Variants in SETD1B observed in about 807,000 individuals in gnomAD.
SETD1B encodes histone-lysine N-methyltransferase SETD1B.
In SETD1B, 7 loss-of-function variants were observed where a neutral mutation model predicts 148.0. That is an observed-to-expected ratio of 0.05 (90% CI 0.03 to 0.09). The LOEUF (loss-of-function observed/expected upper bound fraction) is 0.09. SETD1B is among the 10% of genes least tolerant of loss of function. The pLI is 1.00. For synonymous variants in SETD1B, 1,361 were observed against 1,186.5 expected, an observed-to-expected ratio of 1.15 and a Z score of -3.02; for missense variants, 2,155 against 2,729.9, an observed-to-expected ratio of 0.79 and a Z score of 4.69.
intron 6 of SETD1B, among the ~76,000 whole-genome samples, chr12:121,812,241 C>T (rs1876069598): frequency 6.6e-6 from 1 of 152,036 alleles, no homozygotes; most frequent in African/African-American, 2.4e-5. Flanking sequence ...GGGGGAGCGG[C>T]GCAGGCGGGG....
Position 121,814,435 on chromosome 12 carries a change from CATCCTG to C in SETD1B, c.2221_2226del (p.Ile741_Leu742del). The C allele has an allele frequency of 6.9e-7, 1 of 1,439,196 alleles. No individual in the cohort carries two copies. Among genetic ancestry groups the C allele is most frequent in the Non-Finnish European group, 9.2e-7 (1 of 1,092,716 alleles). 89.2% of individuals were successfully genotyped at this position (1,439,196 alleles called of 1,614,324 possible). ...CGCCGCCTGGAGTCCCGCCCCCACC[CATCCTG>C]CCACCACTGCCCCCCTTTCCGCCGG... On this transcript the variant is annotated inframe_deletion, in exon 7 of 17. Coordinates refer to ENST00000604567, the MANE Select transcript of SETD1B (RefSeq NM_001353345.2).
chr12:121,824,504 G>A (rs373005085), intron 12 of SETD1B, among the ~76,000 whole-genome samples: 8 of 152,088 alleles, frequency 5.3e-5, no homozygotes, highest in African/African-American at 1.2e-4. Context: ...AAAATTAGCC[G>A]GGTGTGGTAG....
At position 121,819,576 on chromosome 12, in the gene SETD1B, C is replaced by G. The variant is rs552984937; in HGVS notation, c.3591C>G (p.Ala1197=). The change falls in exon 11 of 17, where the codon GCC becomes GCG. Residue 1197 remains alanine, a synonymous_variant. Coordinates refer to ENST00000604567, the MANE Select transcript of SETD1B (RefSeq NM_001353345.2). ...AAGAGGAGGAGGAGGAGATGGTGGC[C>G]GAGGAAAGCATGGCTTCTGCAGGCC... ...EEEEEEEEMV[A]EESMASAGPE... 1.3e-6 allele frequency: 2 copies of G among 1,552,380 alleles called. No homozygotes were observed. The highest frequency in any genetic ancestry group is 1.7e-6 in the Non-Finnish European group (2 of 1,147,262).
chr12:121,824,979 CAAAAAAAAAA>C (rs780514725), intron 12 of SETD1B, among the ~76,000 whole-genome samples: 2 of 57,182 alleles, frequency 3.5e-5, no homozygotes, highest in South Asian at 1.2e-3. Flanking sequence ...GACCCTGTCT[CAAAAAAAAAA>C]AAAAAAAAAA....
intron 4 of SETD1B, among the ~76,000 whole-genome samples, chr12:121,807,379 A>G (rs1875794426): frequency 6.7e-6 from 1 of 150,336 alleles, no homozygotes. Flanking sequence ...GAACATGGTA[A>G]CCCCTTTCCT....
chr12:121,827,920 C>T lies in SETD1B; in HGVS notation c.5590-13C>T, dbSNP rs1876917131. 4 of 1,552,184 alleles carry T rather than the reference C, an allele frequency of 2.6e-6. No individual in the cohort carries two copies. Among genetic ancestry groups the T allele is most frequent in the Non-Finnish European group, 2.6e-6 (3 of 1,147,158 alleles). On this transcript the variant is annotated splice_polypyrimidine_tract_variant and intron_variant, in intron 15 of 16. Transcript: ENST00000604567. ...GGGCCGGCCCAGCCAGACTGACCCC[C>T]TTTTGTGGCCAGGTGATCGCAGACA...
chr12:121,810,623 C>A lies in SETD1B; in HGVS notation c.1678C>A (p.Pro560Thr). ...SQPGFRGPTP[P>T]SSRPSSTGLE... ...GCCAGGCTTCCGGGGCCCCACGCCC[C>A]CCTCGTCACGCCCCTCCAGCACCGG... Residue 560 changes from proline to threonine, a missense_variant, in exon 6 of 17, where the codon CCC becomes ACC. Transcript: ENST00000604567. The surrounding 1 kb of genome is among the most constrained non-coding windows in gnomAD (Gnocchi z 7.6). 6.5e-7 allele frequency: 1 copy of A among 1,548,538 alleles called. No individual in the cohort carries two copies.
Position 121,805,829 on chromosome 12 carries a change from T to A in SETD1B, c.274-6T>A. ...TCAAACTCCCTTCCCCCTCGGCCCC[T>A]GCCAGATCGATGAGTTCTACGTGGG... On this transcript the variant is annotated splice_polypyrimidine_tract_variant and splice_region_variant and intron_variant, in intron 3 of 16. Coordinates refer to ENST00000604567, the MANE Select transcript of SETD1B (RefSeq NM_001353345.2). This position sits in a 1 kb window ranked among gnomAD's most constrained non-coding sequence, Gnocchi z 4.2. 1 of 1,551,050 alleles carries A rather than the reference T, an allele frequency of 6.4e-7. No individual in the cohort carries two copies. The highest frequency in any genetic ancestry group is 8.7e-7 in the Non-Finnish European group (1 of 1,146,534).
In SETD1B at chr12:121,826,236, A is replaced by G. The variant is rs142587967; in HGVS notation, c.5337+870A>G. 4.7e-4 allele frequency among the ~76,000 whole-genome samples: 71 copies of G among 150,122 alleles called. No individual in the cohort carries two copies. In the East Asian group the frequency reaches 7.9e-3, roughly 17 times the overall value. ...GGAATTTATATTTTAATGGGGACTC[A>G]TAGGAAATAATCAAGTGAAGAAAGA... On this transcript the variant is annotated intron_variant, in intron 13 of 16. Coordinates refer to ENST00000604567, the MANE Select transcript of SETD1B (RefSeq NM_001353345.2).
At chr12:121,821,778 T>C (rs1326323097) in intron 11 of SETD1B, among the ~76,000 whole-genome samples, 1 of 151,354 alleles carries the variant, frequency 6.6e-6, no homozygotes, top group African/African-American at 2.4e-5. Flanking sequence ...AATGTAAAAA[T>C]AGAAAATGAA....
At position 121,817,505 on chromosome 12, in the gene SETD1B, A is replaced by G. The variant is rs1566553777; in HGVS notation, c.3113A>G (p.Lys1038Arg). The change falls in exon 9 of 17, where the codon AAG (lysine) becomes AGG (arginine). Residue 1038 changes from lysine to arginine, a missense_variant. Physicochemically the swap from Lys to Arg is conservative, Grantham distance 26. Transcript: ENST00000604567. This position sits in a 1 kb window ranked among gnomAD's most constrained non-coding sequence, Gnocchi z 8.1. ...ELDSGGEEDEKESLSASSSSS... is the reference protein window; with the variant it reads ...ELDSGGEEDERESLSASSSSS... ...GACAGTGGTGGGGAGGAGGACGAGA[A>G]GGAGTCATTGTCGGCGTCCTCGTCC... is the stretch of plus-strand genomic sequence containing the variant. The G allele has an allele frequency of 1.3e-6, 2 of 1,551,298 alleles. No homozygotes were observed. The highest frequency in any genetic ancestry group is 1.7e-6 in the Non-Finnish European group (2 of 1,146,830).
chr12:121,802,094 C>CAAAGA (rs1875400365), upstream of SETD1B: 1 of 152,034 alleles, frequency 6.6e-6, no homozygotes, highest in Admixed American at 6.6e-5. Context: ...TGTTTTTCTT[C>CAAAGA]AAATAGATCG....
At chr12:121,815,827 T>C (rs575127539) in intron 7 of SETD1B, among the ~76,000 whole-genome samples, 93 of 147,812 alleles carry the variant, frequency 6.3e-4, no homozygotes, top group African/African-American at 2.1e-3. Context: ...TTCTTTCTTT[T>C]TTTTTTTTTT....
chr12:121,797,566 C>T, the SETD1B span: 36 of 456,456 alleles, frequency 7.9e-5, no homozygotes, highest in South Asian at 5.6e-4. Context: ...CACATCCAGA[C>T]CACAGCTGAG....
intron 10 of SETD1B, 96 bp from the exon 11 acceptor site, chr12:121,819,308 T>C (rs1876450580): frequency 6.6e-7 from 1 of 1,520,580 alleles, no homozygotes; most frequent in South Asian, 1.3e-5. Context: ...GTGTTCAGCC[T>C]GGGTGCCACC....
At position 121,817,781 on chromosome 12, in the gene SETD1B, C is replaced by G; in HGVS notation, c.3313-18C>G. Reference sequence around the variant, plus strand: ...AGACCCTTCGGCTCACCTGTCCCCACTCTTCCTTCTCCCCCAGGATGACGA... The same window carrying G: ...AGACCCTTCGGCTCACCTGTCCCCAGTCTTCCTTCTCCCCCAGGATGACGA... On this transcript the variant is annotated intron_variant, in intron 9 of 16. Transcript: ENST00000604567. This position sits in a 1 kb window ranked among gnomAD's most constrained non-coding sequence, Gnocchi z 8.1. 2 of 1,545,760 alleles carry G rather than the reference C, an allele frequency of 1.3e-6. No homozygotes were observed.
At position 121,819,657 on chromosome 12, in the gene SETD1B, A is replaced by C. The variant is rs1343315500; in HGVS notation, c.3672A>C (p.Ala1224=). 1.5e-5 allele frequency: 24 copies of C among 1,551,454 alleles called. No individual in the cohort carries two copies. Among genetic ancestry groups the C allele is most frequent in the Non-Finnish European group, 2.0e-5 (23 of 1,146,980 alleles). ...CGGCTCTGGCCCCGGGGGCACCTGC[A>C]GTGGACTCGTTGGGCATGGAAGAGG... ...EEAALAPGAP[A]VDSLGMEEEV... is the part of the protein sequence containing the mutation. The change falls in exon 11 of 17, where the codon GCA becomes GCC. Residue 1224 remains alanine (A), a synonymous_variant. Coordinates refer to ENST00000604567, the MANE Select transcript of SETD1B (RefSeq NM_001353345.2).
Position 121,810,418 on chromosome 12 carries a change from G to T in SETD1B, c.1473G>T (p.Gly491=). Residue 491 remains glycine (G), a synonymous_variant, in exon 6 of 17, where the codon GGG becomes GGT. Transcript: ENST00000604567. This position sits in a 1 kb window ranked among gnomAD's most constrained non-coding sequence, Gnocchi z 7.6. The part of the protein sequence containing the change: ...GTPTLESSPA[G]PEKPHDSLDS... ...CCACGCTGGAGTCGTCCCCTGCAGG[G>T]CCAGAGAAACCCCACGACAGCCTGG... 6.5e-7 allele frequency: 1 copy of T among 1,549,064 alleles called. No individual in the cohort carries two copies.
In SETD1B at chr12:121,825,302, A is replaced by C. The variant is rs866721020; in HGVS notation, c.5273A>C (p.Lys1758Thr). ...RSEGFYTIDK[K>T]DKLRYLNSSR... ...GAGGGCTTCTACACCATCGACAAGA[A>C]GGACAAGCTCAGATACCTCAACAGC... The change falls in exon 13 of 17, where the codon AAG becomes ACG. Residue 1758 changes from lysine (K) to threonine (T), a missense_variant. By Grantham distance (78) the Lys-to-Thr change is moderately conservative. This residue lies in a region of SETD1B where 96 missense variants were observed against 148.7 expected (regional missense o/e 0.65). Coordinates refer to ENST00000604567, the MANE Select transcript of SETD1B (RefSeq NM_001353345.2). 1.3e-5 allele frequency: 20 copies of C among 1,551,818 alleles called. No individual in the cohort carries two copies. The highest frequency in any genetic ancestry group is 1.7e-5 in the Non-Finnish European group (20 of 1,147,096).
Sources: gnomAD v4.1 joint callset for allele counts (sites outside exome capture counted in the v4.1 genomes callset) on GRCh38, gnomAD v4.1.1 for gene constraint, gnomAD v4.1.1 regional missense constraint, Gnocchi (gnomAD v3.1) non-coding constraint, MANE v1.5 for transcripts, NCBI Gene and HGNC (gene_info 2026-07-23, HGNC 2026-07-21) for gene names.